The following SDK1 variants were observed in gnomAD, a reference collection of about 807,000 sequenced individuals.
SDK1 encodes sidekick cell adhesion molecule 1.
Under a neutral mutation model 245.5 loss-of-function variants are expected in SDK1, and 157 were observed. The observed-to-expected ratio is 0.64, with a 90% CI of 0.56 to 0.73. The LOEUF (loss-of-function observed/expected upper bound fraction) is 0.73, where lower values mean the gene tolerates loss of function less well. SDK1 is among the 30% of genes least tolerant of loss of function. SDK1 has a pLI of 0.00. For missense variants in SDK1, 3,583 were observed against 3,002.3 expected, an observed-to-expected ratio of 1.19 and a Z score of -4.52; for synonymous variants, 1,647 against 1,278.5, an observed-to-expected ratio of 1.29 and a Z score of -6.15.
intron 4 of SDK1, among the ~76,000 whole-genome samples, chr7:3,799,471 G>C (rs1000139832): frequency 6.6e-6 from 1 of 151,692 alleles, no homozygotes; most frequent in African/African-American, 2.4e-5. Context: ...TTGGGAGGCC[G>C]AGGCAGGTGG....
chr7:3,703,081 AT>A lies in SDK1; in HGVS notation c.713+60977del, dbSNP rs1292616833. On this transcript the variant is annotated intron_variant, in intron 4 of 44. Coordinates refer to ENST00000404826, the MANE Select transcript of SDK1 (RefSeq NM_152744.4). ...GTCTCAAAAAAAAAAAAAAAAAAAA[AT>A]GTATGCCGACGATACGACTTAGTTC... 3.1e-4 allele frequency among the ~76,000 whole-genome samples: 46 copies of A among 146,876 alleles called. No homozygotes were observed. In the East Asian group the frequency reaches 4.5e-3, roughly 14 times the overall value.
chr7:3,626,994 C>A (rs1441058822), intron 2 of SDK1, among the ~76,000 whole-genome samples: 5 of 151,926 alleles, frequency 3.3e-5, no homozygotes, highest in Admixed American at 3.3e-4. Flanking sequence ...GTGGCACAGT[C>A]ATAGTTCATT....
intron 22 of SDK1, among the ~76,000 whole-genome samples, chr7:4,083,534 C>CTCCT (rs1781199665): frequency 2.0e-5 from 2 of 100,800 alleles, no homozygotes; most frequent in South Asian, 3.9e-4. Flanking sequence ...TCCTCCCTCC[C>CTCCT]TCCCTCCCTC....
intron 28 of SDK1, among the ~76,000 whole-genome samples, chr7:4,139,509 GTATATATGTGTGTGTA>G (rs1779352638): frequency 8.4e-6 from 1 of 119,044 alleles, no homozygotes; most frequent in Non-Finnish European, 1.8e-5. Context: ...GTGTGTATAT[GTATATATGTGTGTGTA>G]TGTGTGTGTG....
intron 25 of SDK1, among the ~76,000 whole-genome samples, chr7:4,120,929 T>TTAA (rs1554348519): frequency 1.4e-5 from 2 of 141,440 alleles, no homozygotes; most frequent in South Asian, 4.5e-4. Flanking sequence ...AACACTCTTT[T>TTAA]AAAAAAAAAA....
intron 30 of SDK1, among the ~76,000 whole-genome samples, chr7:4,157,626 C>T (rs887893245): frequency 3.9e-5 from 6 of 152,046 alleles, no homozygotes; most frequent in African/African-American, 1.2e-4. Context: ...TCTCCGTCGA[C>T]GGGCTGGGGG....
chr7:4,017,579 A>G (rs1442220748), intron 17 of SDK1, among the ~76,000 whole-genome samples: 4 of 152,284 alleles, frequency 2.6e-5, no homozygotes, highest in Non-Finnish European at 4.4e-5. Flanking sequence ...TTCAGTGACT[A>G]AGGAAGTTTC....
chr7:4,260,679 C>G, intron 44 of SDK1, among the ~76,000 whole-genome samples: 1 of 145,456 alleles, frequency 6.9e-6, no homozygotes, highest in African/African-American at 2.6e-5. Flanking sequence ...TTCATCGTCA[C>G]CTGATAGGGA....
chr7:3,365,396 TTAC>T (rs1446942671), intron 1 of SDK1, among the ~76,000 whole-genome samples: 3 of 152,184 alleles, frequency 2.0e-5, no homozygotes, highest in African/African-American at 7.2e-5. Context: ...TAGGAGGCCA[TTAC>T]TTCAGAACTC....
intron 13 of SDK1, among the ~76,000 whole-genome samples, chr7:3,983,250 T>C (rs1351605728): frequency 6.6e-6 from 1 of 152,236 alleles, no homozygotes; most frequent in East Asian, 1.9e-4. Context: ...GAAGTTCTAC[T>C]GTGGGTAAAA....
At chr7:3,605,372 T>A (rs1781388990) in intron 1 of SDK1, among the ~76,000 whole-genome samples, 2 of 152,242 alleles carry the variant, frequency 1.3e-5, no homozygotes, top group Admixed American at 6.5e-5. Context: ...AATGTTTCAC[T>A]TAAGGAAAAA....
intron 4 of SDK1, among the ~76,000 whole-genome samples, chr7:3,686,941 A>G (rs1263494807): frequency 6.6e-6 from 1 of 151,978 alleles, no homozygotes; most frequent in Non-Finnish European, 1.5e-5. Context: ...CTGGAGTGTG[A>G]GTGCCCAGTA....
intron 17 of SDK1, among the ~76,000 whole-genome samples, chr7:4,044,519 C>T (rs1031508020): frequency 5.3e-5 from 8 of 152,162 alleles, no homozygotes; most frequent in South Asian, 2.1e-4. Flanking sequence ...GCATAGCTCA[C>T]GGTAACCTCA....
intron 35 of SDK1, among the ~76,000 whole-genome samples, chr7:4,193,531 C>A (rs555487281): frequency 6.6e-6 from 1 of 151,824 alleles, no homozygotes; most frequent in South Asian, 2.1e-4. Flanking sequence ...AGCTCAGTGT[C>A]CCCAGCTTCA....
At chr7:3,476,348 G>A (rs920900659) in intron 1 of SDK1, among the ~76,000 whole-genome samples, 1 of 152,096 alleles carries the variant, frequency 6.6e-6, no homozygotes, top group Non-Finnish European at 1.5e-5. Context: ...GCTCCTGGTC[G>A]CATCTAACAC....
chr7:3,546,535 G>A (rs1017635296), intron 1 of SDK1, among the ~76,000 whole-genome samples: 2 of 152,262 alleles, frequency 1.3e-5, no homozygotes, highest in Non-Finnish European at 2.9e-5. Flanking sequence ...GTACCAGGTA[G>A]TGGAAAACAG....
intron 4 of SDK1, among the ~76,000 whole-genome samples, chr7:3,642,354 A>G (rs1695660270): frequency 6.6e-6 from 1 of 152,192 alleles, no homozygotes; most frequent in Admixed American, 6.5e-5. Flanking sequence ...AAGCAGCCTT[A>G]CCCAACTTTG....
At chr7:3,713,195 C>A (rs570897293) in intron 4 of SDK1, among the ~76,000 whole-genome samples, 9 of 152,134 alleles carry the variant, frequency 5.9e-5, no homozygotes, top group African/African-American at 2.2e-4. Flanking sequence ...GGCTGCTCAG[C>A]GAATTGATGG....
intron 1 of SDK1, among the ~76,000 whole-genome samples, chr7:3,323,110 C>T (rs182119133): frequency 6.6e-6 from 1 of 152,094 alleles, no homozygotes; most frequent in South Asian, 2.1e-4. Flanking sequence ...CCAGGTTTTG[C>T]CCTTTTGTTT....
Sources: allele counts gnomAD v4.1 joint callset (sites outside exome capture counted in the v4.1 genomes callset), GRCh38; gene constraint gnomAD v4.1.1; transcripts MANE v1.5; gene names NCBI Gene and HGNC (gene_info 2026-07-23, HGNC 2026-07-21).